The following CACNA2D3 variants were observed in gnomAD, a reference collection of about 807,000 sequenced individuals.
The protein encoded by CACNA2D3 is calcium voltage-gated channel auxiliary subunit alpha2delta 3.
CACNA2D3 carries 60 observed loss-of-function variants against 160.6 expected under a neutral mutation model. The observed-to-expected ratio is 0.37, with a 90% confidence interval of 0.30 to 0.46. The LOEUF (loss-of-function observed/expected upper bound fraction) is 0.46, where lower values mean the gene tolerates loss of function less well. Ranked by LOEUF, CACNA2D3 falls within the 20% of genes least tolerant of loss-of-function variation. CACNA2D3 has a pLI of 1.00. For missense variants in CACNA2D3, 1,205 were observed against 1,365.0 expected (o/e 0.88, Z 1.85); for synonymous variants, 558 against 492.9 (o/e 1.13, Z -1.75).
chr3:54,482,773 C>T (rs1700954534), intron 4 of CACNA2D3, among the ~76,000 whole-genome samples: 1 of 152,150 alleles, frequency 6.6e-6, no homozygotes, highest in Non-Finnish European at 1.5e-5. Context: ...GACCTAGGCA[C>T]CTTTCATCCT....
chr3:54,793,104 A>G (rs1035124260), intron 13 of CACNA2D3, among the ~76,000 whole-genome samples: 2 of 152,240 alleles, frequency 1.3e-5, no homozygotes, highest in African/African-American at 4.8e-5. Context: ...TGTTTGTATA[A>G]AGAGGAAAAG....
intron 2 of CACNA2D3, among the ~76,000 whole-genome samples, chr3:54,153,395 G>A (rs542537067): frequency 1.3e-5 from 2 of 152,340 alleles, no homozygotes; most frequent in African/African-American, 4.8e-5. Context: ...ATATCTAAGT[G>A]AGAAATGGGT....
At chr3:54,201,423 A>G (rs1701177026) in intron 2 of CACNA2D3, among the ~76,000 whole-genome samples, 1 of 152,242 alleles carries the variant, frequency 6.6e-6, no homozygotes, top group South Asian at 2.1e-4. Flanking sequence ...CAAAAGAAGT[A>G]TAGCATTAAC....
At position 54,927,910 on chromosome 3, in the gene CACNA2D3, A is replaced by G. The variant is rs1197876096; in HGVS notation, c.2449+28042A>G. 6 of 1,613,604 alleles carry G rather than the reference A, an allele frequency of 3.7e-6. No individual in the cohort carries two copies. In the African/African-American group the frequency reaches 6.7e-5, roughly 18 times the overall value. ...GGGAATTGATCAGGGCTCACCTTTC[A>G]TGACTGAGTCTCCTTGGGCGTCCTT... On this transcript the variant is annotated intron_variant, in intron 27 of 37. Coordinates refer to ENST00000474759, the MANE Select transcript of CACNA2D3 (RefSeq NM_018398.3).
rs534339401 is a variant in CACNA2D3 at position 54,350,590 on chromosome 3, C to T, written c.321+30032C>T. Among the ~76,000 whole-genome samples the T allele has an allele frequency of 2.6e-5, 4 of 152,296 alleles. No individual in the cohort carries two copies. In the South Asian group the frequency reaches 8.3e-4, roughly 32 times the overall value. On this transcript the variant is annotated intron_variant, in intron 3 of 37. Coordinates refer to ENST00000474759, the MANE Select transcript of CACNA2D3 (RefSeq NM_018398.3). Reference sequence around the variant, plus strand: ...ATAGTTCACACTTTCACATTTTGTGCATGCTTTATTGGAGCATATTTGGAA... The same window carrying T: ...ATAGTTCACACTTTCACATTTTGTGTATGCTTTATTGGAGCATATTTGGAA...
At chr3:54,393,499 C>T (rs953644065) in intron 4 of CACNA2D3, among the ~76,000 whole-genome samples, 6 of 152,196 alleles carry the variant, frequency 3.9e-5, no homozygotes, top group Non-Finnish European at 7.4e-5. Context: ...GCCCACCATC[C>T]CTAAGCTGAG....
At chr3:55,066,509 G>C (rs1203097222) in intron 35 of CACNA2D3, among the ~76,000 whole-genome samples, 1 of 152,090 alleles carries the variant, frequency 6.6e-6, no homozygotes. Flanking sequence ...CCCATCCCGC[G>C]TGCTTGTTTG....
intron 35 of CACNA2D3, among the ~76,000 whole-genome samples, chr3:55,044,103 C>T (rs1047186795): frequency 3.3e-5 from 5 of 152,150 alleles, no homozygotes; most frequent in African/African-American, 1.2e-4. Context: ...TTTGCCTTTC[C>T]ATGTAAATTT....
chr3:54,269,627 G>C (rs879906933), intron 2 of CACNA2D3, among the ~76,000 whole-genome samples: 1 of 152,176 alleles, frequency 6.6e-6, no homozygotes, highest in Non-Finnish European at 1.5e-5. Context: ...CCTGCAAGGA[G>C]TGGAGGATCC....
At chr3:54,685,697 C>G (rs570139461) in intron 11 of CACNA2D3, among the ~76,000 whole-genome samples, 1 of 152,206 alleles carries the variant, frequency 6.6e-6, no homozygotes, top group East Asian at 1.9e-4. Context: ...TCGTCCCTAC[C>G]TAGTAACTGT....
At chr3:55,025,460 C>T (rs1174051383) in intron 35 of CACNA2D3, among the ~76,000 whole-genome samples, 3 of 151,652 alleles carry the variant, frequency 2.0e-5, no homozygotes, top group Non-Finnish European at 4.4e-5. Flanking sequence ...GGTGAAACTC[C>T]GTCTCTACTA....
At chr3:54,453,703 G>A (rs1215763445) in intron 4 of CACNA2D3, among the ~76,000 whole-genome samples, 1 of 152,088 alleles carries the variant, frequency 6.6e-6, no homozygotes, top group Non-Finnish European at 1.5e-5. Flanking sequence ...CTCTGTCTTG[G>A]TGTTACTGTT....
At chr3:54,281,353 C>A (rs7618850) in intron 2 of CACNA2D3, among the ~76,000 whole-genome samples, 21,470 of 152,074 alleles carry the variant, frequency 0.14, 1,793 homozygotes, top group East Asian at 0.32. Context: ...CACTGTGTAT[C>A]CAGATTGCCG....
intron 4 of CACNA2D3, among the ~76,000 whole-genome samples, chr3:54,445,243 T>C (rs1700203203): frequency 6.6e-6 from 1 of 152,208 alleles, no homozygotes; most frequent in African/African-American, 2.4e-5. Flanking sequence ...AGGTCCACTG[T>C]TGCCACAGCT....
chr3:54,567,379 G>T (rs746820422), intron 6 of CACNA2D3, among the ~76,000 whole-genome samples: 4 of 152,214 alleles, frequency 2.6e-5, no homozygotes, highest in Non-Finnish European at 4.4e-5. Context: ...AGAACTTAGG[G>T]ATAAACCAAT....
chr3:54,906,176 A>T (rs1467997481), intron 27 of CACNA2D3, among the ~76,000 whole-genome samples: 2 of 152,116 alleles, frequency 1.3e-5, no homozygotes, highest in African/African-American at 4.8e-5. Context: ...TGGCAGATAC[A>T]CACAAGTATT....
chr3:54,461,584 C>G (rs949589325), intron 4 of CACNA2D3, among the ~76,000 whole-genome samples: 4 of 151,606 alleles, frequency 2.6e-5, no homozygotes, highest in Non-Finnish European at 5.9e-5. Context: ...GTAGTATTCT[C>G]TCATGATAGT....
intron 4 of CACNA2D3, among the ~76,000 whole-genome samples, chr3:54,427,045 T>C (rs553707277): frequency 1.2e-3 from 180 of 152,086 alleles, no homozygotes; most frequent in African/African-American, 4.2e-3. Context: ...CTACCCACCA[T>C]TCTTTCCTTT....
rs144940648 is a variant in CACNA2D3 at position 54,894,625 on chromosome 3, C to T, written c.2247-2124C>T. Reference sequence around the variant, plus strand: ...CCACTGAACAGACCTGCTGGGAGTGCGAACACCTTCTGCTCAGTCGTGGCT... The same window carrying T: ...CCACTGAACAGACCTGCTGGGAGTGTGAACACCTTCTGCTCAGTCGTGGCT... On this transcript the variant is annotated intron_variant, in intron 25 of 37. Transcript: ENST00000474759. 5.4e-4 allele frequency: 277 copies of T among 515,618 alleles called. 1 individual carries two copies. Among genetic ancestry groups the T allele is most frequent in the East Asian group, 1.0e-3 (19 of 18,250 alleles). The allele number at this position is 515,618 out of a possible 1,614,324, so 31.9% of individuals were successfully genotyped here.
Sources: gnomAD v4.1 joint callset for allele counts (sites outside exome capture counted in the v4.1 genomes callset) on GRCh38, gnomAD v4.1.1 for gene constraint, MANE v1.5 for transcripts, NCBI Gene and HGNC (gene_info 2026-07-23, HGNC 2026-07-21) for gene names.